The following PRR12 variants were observed in gnomAD, a reference collection of about 807,000 sequenced individuals.
The protein encoded by PRR12 is proline rich 12.
A neutral mutation model predicts 138.0 loss-of-function variants in PRR12; 12 were observed. The ratio of observed to expected loss-of-function variants is 0.09; its 90% CI spans 0.06 to 0.14. The LOEUF (loss-of-function observed/expected upper bound fraction) is 0.14, where lower values mean the gene tolerates loss of function less well. Among genes scored for constraint, PRR12 ranks in the 10% least tolerant of loss-of-function variants. The pLI is 1.00. For missense variants in PRR12, 2,692 were observed against 2,861.3 expected (o/e 0.94, Z 1.35); for synonymous variants, 1,567 against 1,291.7 (o/e 1.21, Z -4.57).
intron 11 of PRR12, 104 bp downstream of exon 11, chr19:49,621,726 C>T (rs1283589582): frequency 4.2e-5 from 39 of 935,540 alleles, no homozygotes; most frequent in East Asian, 5.3e-5. Flanking sequence ...GGAAGGAGAT[C>T]GTCCTTCTGG....
rs1158792005 is a variant in PRR12 at position 49,601,830 on chromosome 19, A to G, written c.4685A>G (p.Asp1562Gly). 2 of 1,612,676 alleles carry G rather than the reference A, an allele frequency of 1.2e-6. No individual in the cohort carries two copies. The highest frequency in any genetic ancestry group is 1.7e-6 in the Non-Finnish European group (2 of 1,179,894). The stretch of plus-strand genomic sequence containing the variant: ...ACGGCGGCAGTGTGTGGGGAGACGG[A>G]CGAGGAGGCCGGCGAGAGTGGCGGA... ...QETAAVCGET[D>G]EEAGESGGEG... Residue 1562 changes from aspartate (D) to glycine (G), a missense_variant, in exon 6 of 14, where the codon GAC (aspartate) becomes GGC (glycine). Asp to Gly is a moderately conservative substitution (Grantham distance 94). This residue lies in a region of PRR12 where 92 missense variants were observed against 174.1 expected (regional missense o/e 0.53). Coordinates refer to ENST00000418929, the MANE Select transcript of PRR12 (RefSeq NM_020719.3).
Position 49,594,913 on chromosome 19 carries a change from C to A in PRR12, c.578C>A (p.Pro193His). ...LSPHDVLHLK[P>H]SQAPTVPSSL... is the part of the protein sequence containing the mutation. ...CCTCATGACGTGCTGCACCTGAAGC[C>A]CTCGCAGGCACCCACGGTGCCCTCT... The change falls in exon 4 of 14, where the codon CCC becomes CAC. Residue 193 changes from proline to histidine, a missense_variant. Physicochemically the swap from Pro to His is moderately conservative, Grantham distance 77. Transcript: ENST00000418929. This position sits in a 1 kb window ranked among gnomAD's most constrained non-coding sequence, Gnocchi z 5.6. 6.2e-7 allele frequency: 1 copy of A among 1,608,738 alleles called. No individual in the cohort carries two copies. The highest frequency in any genetic ancestry group is 2.2e-5 in the East Asian group (1 of 44,658).
chr19:49,620,577 C>T (rs553225008), intron 10 of PRR12, 100 bp downstream of exon 10: 6 of 1,483,818 alleles, frequency 4.0e-6, no homozygotes, highest in African/African-American at 1.4e-5. Context: ...GGTTTGGGGT[C>T]GGGACTCCTG....
chr19:49,604,114 C>T (rs997816185), intron 6 of PRR12, among the ~76,000 whole-genome samples: 7 of 152,178 alleles, frequency 4.6e-5, no homozygotes, highest in Middle Eastern at 3.4e-3. Context: ...CCACCGCGCC[C>T]GGCCTTACAC....
At chr19:49,613,592 A>C (rs1326925776) in intron 6 of PRR12, among the ~76,000 whole-genome samples, 3 of 152,136 alleles carry the variant, frequency 2.0e-5, no homozygotes, top group African/African-American at 7.2e-5. Flanking sequence ...GAGCAGAGAT[A>C]GGGAGCCTTC....
At chr19:49,592,271 T>G (rs938918605) in intron 1 of PRR12, among the ~76,000 whole-genome samples, 2 of 102,952 alleles carry the variant, frequency 1.9e-5, no homozygotes, top group Non-Finnish European at 2.8e-5. Flanking sequence ...AAGCTGGGGT[T>G]GTGTGTGTGT....
Position 49,597,884 on chromosome 19 carries a change from C to A in PRR12, c.3549C>A (p.Thr1183=). ...RPRIRPLEVP[T]TAGPASASTP... is the part of the protein sequence containing the mutation. Reference sequence around the variant, plus strand: ...GGATCCGCCCCCTGGAGGTCCCGACCACTGCGGGGCCCGCCTCGGCCTCCA... The same window carrying A: ...GGATCCGCCCCCTGGAGGTCCCGACAACTGCGGGGCCCGCCTCGGCCTCCA... Residue 1183 remains threonine, a synonymous_variant, in exon 4 of 14, where the codon ACC becomes ACA. Coordinates refer to ENST00000418929, the MANE Select transcript of PRR12 (RefSeq NM_020719.3). This position sits in a 1 kb window ranked among gnomAD's most constrained non-coding sequence, Gnocchi z 6.3. 7.0e-7 allele frequency: 1 copy of A among 1,434,642 alleles called. No homozygotes were observed. The highest frequency in any genetic ancestry group is 9.1e-7 in the Non-Finnish European group (1 of 1,096,988). 88.9% of individuals were successfully genotyped at this position (1,434,642 alleles called of 1,614,324 possible).
At position 49,601,795 on chromosome 19, in the gene PRR12, A is replaced by G. The variant is rs907534094; in HGVS notation, c.4650A>G (p.Lys1550=). 6.2e-7 allele frequency: 1 copy of G among 1,610,820 alleles called. No individual in the cohort carries two copies. Among genetic ancestry groups the G allele is most frequent in the African/African-American group, 1.3e-5 (1 of 74,990 alleles). Residue 1550 remains lysine (K), a synonymous_variant, in exon 6 of 14, where the codon AAA becomes AAG. Coordinates refer to ENST00000418929, the MANE Select transcript of PRR12 (RefSeq NM_020719.3). ...LPDTRPLHLA[K]KQETAAVCGE... is the part of the protein sequence containing the mutation. ...ACACCCGGCCCCTGCATCTGGCCAA[A>G]AAGCAGGAGACGGCGGCAGTGTGTG...
rs780094475 is a variant in PRR12 at position 49,620,325 on chromosome 19, C to T, written c.5498-27C>T. 2.5e-5 allele frequency: 40 copies of T among 1,611,706 alleles called. No individual in the cohort carries two copies. The East Asian group carries it at 6.2e-4, about 25-fold the overall frequency. On this transcript the variant is annotated intron_variant, in intron 9 of 13. Coordinates refer to ENST00000418929, the MANE Select transcript of PRR12 (RefSeq NM_020719.3). ...GTGGTCTCAGAGGAAATTGGGATAA[C>T]GAGCCTGCGTCCTGTCTTTTCTGCA...
chr19:49,596,458 C>G lies in PRR12; in HGVS notation c.2123C>G (p.Ala708Gly), dbSNP rs531265357. 6.2e-7 allele frequency: 1 copy of G among 1,611,240 alleles called. No homozygotes were observed. Among genetic ancestry groups the G allele is most frequent in the South Asian group, 1.1e-5 (1 of 90,876 alleles). The change falls in exon 4 of 14, where the codon GCC becomes GGC. Residue 708 changes from alanine (A) to glycine (G), a missense_variant. Ala to Gly is a moderately conservative substitution (Grantham distance 60, BLOSUM62 0). Around this residue, in one of 11 missense-constraint regions of PRR12, gnomAD observed 840 missense variants for 689.8 expected, o/e 1.22. Coordinates refer to ENST00000418929, the MANE Select transcript of PRR12 (RefSeq NM_020719.3). This position sits in a 1 kb window ranked among gnomAD's most constrained non-coding sequence, Gnocchi z 5.6. Reference protein sequence around the residue: ...YHLQSVIRTSASLDEGATAAL... With the variant: ...YHLQSVIRTSGSLDEGATAAL... ...CTGCAGAGTGTCATCCGCACCAGTG[C>G]CAGCCTGGATGAGGGTGCCACTGCG... is the stretch of plus-strand genomic sequence containing the variant.
In PRR12 at chr19:49,595,882, G is replaced by A; in HGVS notation, c.1547G>A (p.Gly516Glu). 6.2e-7 allele frequency: 1 copy of A among 1,603,462 alleles called. No homozygotes were observed. The highest frequency in any genetic ancestry group is 8.5e-7 in the Non-Finnish European group (1 of 1,179,408). Reference sequence around the variant, plus strand: ...GGGGTGCAGGGCGAGCCATACCCAGGGCCAGCCGCCCACTCCCAGGGGCTG... The same window carrying A: ...GGGGTGCAGGGCGAGCCATACCCAGAGCCAGCCGCCCACTCCCAGGGGCTG... ...LYGVQGEPYP[G>E]PAAHSQGLPT... Residue 516 changes from glycine to glutamate, a missense_variant, in exon 4 of 14, where the codon GGG becomes GAG. Gly to Glu is a moderately conservative substitution (Grantham distance 98). Transcript: ENST00000418929.
In PRR12 at chr19:49,595,047, C is replaced by T; in HGVS notation, c.712C>T (p.Pro238Ser). 6.2e-7 allele frequency: 1 copy of T among 1,610,406 alleles called. No homozygotes were observed. Among genetic ancestry groups the T allele is most frequent in the Non-Finnish European group, 8.5e-7 (1 of 1,179,120 alleles). ...RPGPPDPPPP[P>S]RHLPTQFNLL... The stretch of plus-strand genomic sequence containing the variant: ...TGGCCCCCCAGACCCACCACCACCT[C>T]CTCGCCACCTCCCAACTCAGTTCAA... The change falls in exon 4 of 14, where the codon CCT becomes TCT. Residue 238 changes from proline (P) to serine (S), a missense_variant. Pro to Ser is a moderately conservative substitution (Grantham distance 74). Around this residue, in one of 11 missense-constraint regions of PRR12, gnomAD observed 523 missense variants for 496.4 expected, o/e 1.05. Coordinates refer to ENST00000418929, the MANE Select transcript of PRR12 (RefSeq NM_020719.3).
Position 49,595,920 on chromosome 19 carries a change from C to T in PRR12, c.1585C>T (p.Pro529Ser), listed in dbSNP as rs762919999. 1.2e-6 allele frequency: 2 copies of T among 1,602,324 alleles called. No individual in the cohort carries two copies. The highest frequency in any genetic ancestry group is 2.2e-5 in the East Asian group (1 of 44,868). Residue 529 changes from proline (P) to serine (S), a missense_variant, in exon 4 of 14, where the codon CCC (proline) becomes TCC (serine). Pro to Ser is a moderately conservative substitution (Grantham distance 74, BLOSUM62 -1). Coordinates refer to ENST00000418929, the MANE Select transcript of PRR12 (RefSeq NM_020719.3). ...AHSQGLPTAS[P>S]SLSYSTGHSP... The stretch of plus-strand genomic sequence containing the variant: ...CTCCCAGGGGCTGCCCACAGCCAGC[C>T]CCTCGCTCAGCTACAGTACCGGCCA...
rs1018879463 is a variant in PRR12 at position 49,626,381 on chromosome 19, A to G, written c.*774A>G. 6.6e-6 allele frequency: 1 copy of G among 151,934 alleles called. No individual in the cohort carries two copies. The highest frequency in any genetic ancestry group is 6.6e-5 in the Admixed American group (1 of 15,242). 9.4% of individuals were successfully genotyped at this position (151,934 alleles called of 1,614,324 possible). ...CTTTCTTGGGCTTCTGTACAACTCA[A>G]CTTGTATACACTGTGTACACACAAC... is the stretch of plus-strand genomic sequence containing the variant. On this transcript the variant is annotated 3_prime_UTR_variant, in exon 14 of 14. Coordinates refer to ENST00000418929, the MANE Select transcript of PRR12 (RefSeq NM_020719.3).
rs201908892 is a variant in PRR12, at chr19:49,625,632, C to T, written c.*25C>T. On this transcript the variant is annotated 3_prime_UTR_variant, in exon 14 of 14. Transcript: ENST00000418929. This position sits in a 1 kb window ranked among gnomAD's most constrained non-coding sequence, Gnocchi z 5.5. ...ACCCCGCCCCAGCTTGTGAGGGGGG[C>T]GCCTCCTCCATGAACCGAGAATTGG... The T allele has an allele frequency of 1.0e-4, 163 of 1,577,518 alleles. 1 individual carries two copies. Among genetic ancestry groups the T allele is most frequent in the Middle Eastern group, 1.7e-4 (1 of 5,906 alleles).
rs745865789 is a variant in PRR12 at position 49,615,855 on chromosome 19, T to C, written c.5133T>C (p.Ser1711=). 6.2e-6 allele frequency: 10 copies of C among 1,604,874 alleles called. No homozygotes were observed. Among genetic ancestry groups the C allele is most frequent in the Non-Finnish European group, 8.5e-6 (10 of 1,176,080 alleles). Residue 1711 remains serine (S), a synonymous_variant, in exon 9 of 14, where the codon TCT becomes TCC. Coordinates refer to ENST00000418929, the MANE Select transcript of PRR12 (RefSeq NM_020719.3). Reference sequence around the variant, plus strand: ...CTGAGACCCCTGAAAAGACGACATCTGAGAAGCCCCCAGAGCAGACTCCTG... The same window carrying C: ...CTGAGACCCCTGAAAAGACGACATCCGAGAAGCCCCCAGAGCAGACTCCTG... ...PKPETPEKTT[S]EKPPEQTPET...
Position 49,597,456 on chromosome 19 carries a change from C to T in PRR12, c.3121C>T (p.Pro1041Ser), listed in dbSNP as rs2080781158. Reference sequence around the variant, plus strand: ...TGGCCCCCACCAGGCGGCGCCACCACCCCCGCCTCCGCCACCGCCGCCTCC... The same window carrying T: ...TGGCCCCCACCAGGCGGCGCCACCATCCCCGCCTCCGCCACCGCCGCCTCC... Reference protein sequence around the residue: ...QSGPHQAAPPPPPPPPPPPAP... With the variant: ...QSGPHQAAPPSPPPPPPPPAP... Residue 1041 changes from proline to serine, a missense_variant, in exon 4 of 14, where the codon CCC becomes TCC. Pro to Ser is a moderately conservative substitution (Grantham distance 74). This residue lies in a region of PRR12 where 840 missense variants were observed against 689.8 expected (regional missense o/e 1.22). Coordinates refer to ENST00000418929, the MANE Select transcript of PRR12 (RefSeq NM_020719.3). The surrounding 1 kb of genome is among the most constrained non-coding windows in gnomAD (Gnocchi z 6.3). 3 of 1,540,986 alleles carry T rather than the reference C, an allele frequency of 1.9e-6. No individual in the cohort carries two copies. Among genetic ancestry groups the T allele is most frequent in the Non-Finnish European group, 2.6e-6 (3 of 1,146,094 alleles).
Position 49,591,552 on chromosome 19 carries a change from A to G in PRR12, c.-103A>G. 2 of 657,434 alleles carry G rather than the reference A, an allele frequency of 3.0e-6. No individual in the cohort carries two copies. The highest frequency in any genetic ancestry group is 3.0e-5 in the South Asian group (1 of 32,906). 40.7% of individuals were successfully genotyped at this position (657,434 alleles called of 1,614,324 possible). A position where few individuals can be genotyped will look rare whatever the true frequency, so the allele number is the denominator to read the frequency against. ...AAAAGAGAGAGAGAAAAGGGGGGAA[A>G]AAAAAGCAGCAGCGGAGGGAGCGGC... On this transcript the variant is annotated 5_prime_UTR_variant, in exon 1 of 14. Coordinates refer to ENST00000418929, the MANE Select transcript of PRR12 (RefSeq NM_020719.3).
intron 11 of PRR12, among the ~76,000 whole-genome samples, chr19:49,622,928 T>TATATATATAGAGAGAG (rs1320368074): frequency 1.3e-5 from 1 of 77,760 alleles, no homozygotes; most frequent in African/African-American, 7.9e-5. Flanking sequence ...TATATATATA[T>TATATATATAGAGAGAG]AGAGAGAGAG....
Sources: gnomAD v4.1 joint callset for allele counts (sites outside exome capture counted in the v4.1 genomes callset) on GRCh38, gnomAD v4.1.1 for gene constraint, gnomAD v4.1.1 regional missense constraint, Gnocchi (gnomAD v3.1) non-coding constraint, MANE v1.5 for transcripts, NCBI Gene and HGNC (gene_info 2026-07-23, HGNC 2026-07-21) for gene names.